FOCAD: variants seen among roughly 807,000 people sequenced by gnomAD.
FOCAD encodes the protein KIAA1797.
In FOCAD, 198 loss-of-function variants were observed where a neutral mutation model predicts 225.6. The ratio of observed to expected loss-of-function variants is 0.88; its 90% CI spans 0.78 to 0.99. The LOEUF is 0.99. Ranked by LOEUF, FOCAD falls within the 50% of genes least tolerant of loss-of-function variation. The pLI is 0.00. For missense variants in FOCAD, 2,713 were observed against 2,123.6 expected (o/e 1.28, Z -5.46); for synonymous variants, 897 against 755.0 (o/e 1.19, Z -3.08).
At chr9:20,951,165 T>G in intron 34 of FOCAD, 67 bp downstream of exon 34, 1 of 1,180,948 alleles carries the variant, frequency 8.5e-7, no homozygotes, top group East Asian at 2.3e-5. Context: ...CTCTGTAGTT[T>G]GTTAAGAGCA....
intron 24 of FOCAD, 129 bp from the exon 25 acceptor site, chr9:20,923,531 C>G: frequency 1.6e-6 from 1 of 628,982 alleles, no homozygotes; most frequent in East Asian, 2.7e-5. Context: ...ACAAACAGAC[C>G]TGCATTTACA....
intron 8 of FOCAD, among the ~76,000 whole-genome samples, chr9:20,773,328 A>G (rs922904772): frequency 1.3e-5 from 2 of 152,374 alleles, no homozygotes; most frequent in East Asian, 1.9e-4. Flanking sequence ...ACTAGTGTGC[A>G]TAAAAATCAC....
rs1267931868 is a variant in FOCAD, at chr9:20,962,663, G to A, written c.4132+9598G>A. Among the ~76,000 whole-genome samples, 4 of 152,214 alleles carry A rather than the reference G, an allele frequency of 2.6e-5. No homozygotes were observed. The East Asian group carries it at 7.7e-4, about 29-fold the overall frequency. On this transcript the variant is annotated intron_variant, in intron 35 of 43. Coordinates refer to ENST00000338382, the MANE Select transcript of FOCAD (RefSeq NM_001375567.1). ...TCCTCTGTGTAGCCAAAGTATGTGC[G>A]ATAATGGGTCCTGTTGTAATGCATT...
intron 18 of FOCAD, among the ~76,000 whole-genome samples, chr9:20,869,481 A>T (rs2131746746): frequency 6.6e-6 from 1 of 152,298 alleles, no homozygotes; most frequent in Non-Finnish European, 1.5e-5. Context: ...ATGTTGTATA[A>T]CTTGTTGAAA....
At chr9:20,851,591 A>G (rs1324296875) in intron 15 of FOCAD, among the ~76,000 whole-genome samples, 2 of 151,860 alleles carry the variant, frequency 1.3e-5, no homozygotes, top group African/African-American at 4.8e-5. Context: ...AACTGAAAGT[A>G]TGGTTTTATA....
At chr9:20,925,364 A>G (rs1460404245) in intron 25 of FOCAD, among the ~76,000 whole-genome samples, 3 of 152,164 alleles carry the variant, frequency 2.0e-5, no homozygotes, top group African/African-American at 7.2e-5. Flanking sequence ...AAAGGGGTCT[A>G]GCTCAGAGTT....
chr9:20,972,092 A>G (rs1345132045), intron 35 of FOCAD, among the ~76,000 whole-genome samples: 7 of 152,030 alleles, frequency 4.6e-5, no homozygotes, highest in East Asian at 1.9e-4. Context: ...CTTGCTTTCA[A>G]TTTCTTTGGG....
At chr9:20,855,470 T>G (rs1828080876) in intron 15 of FOCAD, among the ~76,000 whole-genome samples, 1 of 151,614 alleles carries the variant, frequency 6.6e-6, no homozygotes, top group Non-Finnish European at 1.5e-5. Context: ...AAAAATTTAG[T>G]TATGAGTACA....
At chr9:20,955,684 T>A (rs1001317721) in intron 35 of FOCAD, among the ~76,000 whole-genome samples, 2 of 152,154 alleles carry the variant, frequency 1.3e-5, no homozygotes, top group African/African-American at 2.4e-5. Context: ...TTGCTCATCA[T>A]CTAATTCCTC....
At chr9:20,873,045 A>G (rs1446933141) in intron 18 of FOCAD, among the ~76,000 whole-genome samples, 6 of 152,012 alleles carry the variant, frequency 3.9e-5, no homozygotes, top group Non-Finnish European at 8.8e-5. Flanking sequence ...TTTATACTAT[A>G]TTTTGTTTAT....
intron 35 of FOCAD, among the ~76,000 whole-genome samples, chr9:20,971,651 A>G (rs145926846): frequency 3.3e-5 from 5 of 152,174 alleles, no homozygotes; most frequent in Non-Finnish European, 7.4e-5. Context: ...TCTCCATTCA[A>G]TAGTGTTAAT....
intron 14 of FOCAD, 66 bp downstream of exon 14, chr9:20,821,137 TGCAA>T (rs1397706030): frequency 2.7e-6 from 4 of 1,485,616 alleles, no homozygotes; most frequent in Admixed American, 3.9e-5. Context: ...ATTTTTTAAT[TGCAA>T]GCAAGAGGCA....
chr9:20,779,945 C>T (rs1028923924), intron 9 of FOCAD, among the ~76,000 whole-genome samples: 31 of 152,224 alleles, frequency 2.0e-4, no homozygotes, highest in Middle Eastern at 6.8e-3. Context: ...TTTATGTTCG[C>T]TTATACCTTC....
intron 1 of FOCAD, among the ~76,000 whole-genome samples, chr9:20,710,606 AAAT>A (rs912810821): frequency 6.6e-6 from 1 of 152,022 alleles, no homozygotes; most frequent in African/African-American, 2.4e-5. Flanking sequence ...CAAAAAAAAA[AAAT>A]AATAATATAA....
intron 1 of FOCAD, among the ~76,000 whole-genome samples, chr9:20,696,840 G>A (rs142051270): frequency 1.0e-3 from 156 of 152,020 alleles, no homozygotes; most frequent in South Asian, 1.7e-3. Context: ...AATTGCCATC[G>A]TAACCGTATT....
At chr9:20,972,597 G>A (rs556094042) in intron 35 of FOCAD, among the ~76,000 whole-genome samples, 54 of 151,586 alleles carry the variant, frequency 3.6e-4, no homozygotes, top group Non-Finnish European at 7.1e-4. Flanking sequence ...TGCTAATTCT[G>A]CATGTGCTTC....
chr9:20,888,448 A>G (rs1831315899), intron 21 of FOCAD, among the ~76,000 whole-genome samples: 1 of 151,978 alleles, frequency 6.6e-6, no homozygotes, highest in Admixed American at 6.6e-5. Flanking sequence ...TCATTTTTTT[A>G]TAATGTATTT....
At chr9:20,972,212 T>C (rs1434218013) in intron 35 of FOCAD, among the ~76,000 whole-genome samples, 2 of 152,178 alleles carry the variant, frequency 1.3e-5, no homozygotes, top group Non-Finnish European at 2.9e-5. Context: ...CTGTTTTATA[T>C]AGTGGTCACA....
rs564929954 is a variant in FOCAD, at chr9:20,862,065, G to A, written c.1921-513G>A. On this transcript the variant is annotated intron_variant, in intron 15 of 43. Coordinates refer to ENST00000338382, the MANE Select transcript of FOCAD (RefSeq NM_001375567.1). ...TTAAATTATTATGTTAAATACTGTA[G>A]TTATTCTCCTACCTCTGAAAAGCTT... Among the ~76,000 whole-genome samples, 4 of 152,100 alleles carry A rather than the reference G, an allele frequency of 2.6e-5. No homozygotes were observed. In the East Asian group the frequency reaches 5.8e-4, roughly 22 times the overall value.
Sources: gnomAD v4.1 joint callset for allele counts (sites outside exome capture counted in the v4.1 genomes callset) on GRCh38, gnomAD v4.1.1 for gene constraint, MANE v1.5 for transcripts, NCBI Gene and HGNC (gene_info 2026-07-23, HGNC 2026-07-21) for gene names.